TTBK2: variants seen among roughly 807,000 people sequenced by gnomAD.
The protein encoded by TTBK2 is tau tubulin kinase 2, also known as tau-tubulin kinase 2.
A neutral mutation model predicts 110.8 loss-of-function variants in TTBK2; 28 were observed. The ratio of observed to expected loss-of-function variants is 0.25; its 90% CI spans 0.19 to 0.35. The LOEUF is 0.35. Ranked by LOEUF, TTBK2 falls within the 10% of genes least tolerant of loss-of-function variation. The probability of loss-of-function intolerance (pLI) is 1.00; values close to 1 mark genes in which losing one functional copy is unlikely to be tolerated. For missense variants in TTBK2, 1,369 were observed against 1,500.3 expected, an observed-to-expected ratio of 0.91 and a Z score of 1.45; for synonymous variants, 532 against 527.3, an observed-to-expected ratio of 1.01 and a Z score of -0.12.
At chr15:42,850,897 A>C (rs1381992664) in intron 3 of TTBK2, among the ~76,000 whole-genome samples, 1 of 151,998 alleles carries the variant, frequency 6.6e-6, no homozygotes, top group African/African-American at 2.4e-5. Flanking sequence ...AGAAAAAAGA[A>C]GCAGTTTGCA....
chr15:42,776,899 T>A, intron 12 of TTBK2, 132 bp downstream of exon 12: 2 of 857,522 alleles, frequency 2.3e-6, no homozygotes, highest in Admixed American at 2.3e-5. Context: ...ATAGACTCAG[T>A]GTTACAAAAA....
intron 1 of TTBK2, among the ~76,000 whole-genome samples, chr15:42,886,171 C>T (rs1369602474): frequency 6.6e-6 from 1 of 152,108 alleles, no homozygotes; most frequent in African/African-American, 2.4e-5. Flanking sequence ...ACGGACTCAT[C>T]TGACCTCTCC....
At chr15:42,763,506 G>A (rs763369610) in intron 13 of TTBK2, among the ~76,000 whole-genome samples, 16 of 151,692 alleles carry the variant, frequency 1.1e-4, no homozygotes, top group African/African-American at 1.5e-4. Flanking sequence ...GAGCCACTGC[G>A]TCTGGCCCAA....
chr15:42,883,692 G>T (rs989861411), intron 1 of TTBK2, among the ~76,000 whole-genome samples: 1 of 151,660 alleles, frequency 6.6e-6, no homozygotes. Context: ...AAAAATAAAG[G>T]GACAAACATA....
intron 1 of TTBK2, among the ~76,000 whole-genome samples, chr15:42,918,602 A>G (rs1337859183): frequency 2.0e-5 from 3 of 152,204 alleles, no homozygotes; most frequent in African/African-American, 7.2e-5. Flanking sequence ...TGAAAAACCA[A>G]TAACTTATCA....
At position 42,902,221 on chromosome 15, in the gene TTBK2, A is replaced by G. The variant is rs576613790; in HGVS notation, c.-68+18217T>C. On this transcript the variant is annotated intron_variant, in intron 1 of 14. Coordinates refer to ENST00000267890, the MANE Select transcript of TTBK2 (RefSeq NM_173500.4). ...ACAGAGCGAGACTCCATCTCCAAAA[A>G]AAAAAAAAACCAACCACCGCCAGGC... Among the ~76,000 whole-genome samples the G allele has an allele frequency of 4.9e-3, 733 of 150,988 alleles. 9 individuals carry two copies. The highest frequency in any genetic ancestry group is 0.017 in the African/African-American group (709 of 41,078).
chr15:42,752,242 A>C lies in TTBK2; in HGVS notation c.3004T>G (p.Leu1002Val). The C allele has an allele frequency of 6.2e-7, 1 of 1,614,062 alleles. No individual in the cohort carries two copies. The highest frequency in any genetic ancestry group is 8.5e-7 in the Non-Finnish European group (1 of 1,180,000). Reference protein sequence around the residue: ...LGDLSSASDKLLEEKLATVPA... With the variant: ...LGDLSSASDKVLEEKLATVPA... ...ACAGTAGCTAGTTTCTCCTCTAGCA[A>C]TTTATCAGAGGCACTTGAGAGGTCG... The change falls in exon 14 of 15, where the codon TTG becomes GTG. Residue 1002 changes from leucine to valine, a missense_variant. Coordinates refer to ENST00000267890, the MANE Select transcript of TTBK2 (RefSeq NM_173500.4).
chr15:42,891,245 TAGCTCATTGCAGCCTCAA>T (rs1459649822), intron 1 of TTBK2, among the ~76,000 whole-genome samples: 9 of 147,306 alleles, frequency 6.1e-5, no homozygotes, highest in African/African-American at 2.3e-4. Context: ...GGTGCAAACA[TAGCTCATTGCAGCCTCAA>T]ACTCCTGGGC....
intron 4 of TTBK2, among the ~76,000 whole-genome samples, chr15:42,834,547 G>A (rs1016917698): frequency 6.6e-6 from 1 of 152,248 alleles, no homozygotes; most frequent in East Asian, 1.9e-4. Flanking sequence ...AAAGACTGCT[G>A]CAGCCTAGTC....
intron 10 of TTBK2, among the ~76,000 whole-genome samples, chr15:42,784,530 G>A (rs1890324506): frequency 1.3e-5 from 2 of 152,136 alleles, no homozygotes; most frequent in Admixed American, 1.3e-4. Context: ...TGCCTGCCTT[G>A]GCCTACCAAA....
chr15:42,867,457 C>T (rs1894420816), intron 3 of TTBK2, among the ~76,000 whole-genome samples: 3 of 151,878 alleles, frequency 2.0e-5, no homozygotes, highest in Admixed American at 6.6e-5. Context: ...AGACTGATAT[C>T]CAAATATTTG....
chr15:42,860,919 G>T (rs1022371905), intron 3 of TTBK2, among the ~76,000 whole-genome samples: 21 of 152,092 alleles, frequency 1.4e-4, no homozygotes, highest in Admixed American at 1.1e-3. Context: ...AAAGTGCTGG[G>T]ATTACAGGGA....
chr15:42,900,276 G>A (rs1004096746), intron 1 of TTBK2, among the ~76,000 whole-genome samples: 1 of 152,078 alleles, frequency 6.6e-6, no homozygotes, highest in Non-Finnish European at 1.5e-5. Flanking sequence ...ACAGGCATGA[G>A]CCACCGCACC....
chr15:42,815,949 TAA>T (rs375184494), intron 7 of TTBK2, among the ~76,000 whole-genome samples: 9 of 37,170 alleles, frequency 2.4e-4, no homozygotes, highest in East Asian at 1.7e-3. Context: ...TATATATATT[TAA>T]AAAAAAAATA....
In TTBK2 at chr15:42,829,842, G is replaced by A; in HGVS notation, c.432+96C>T. ...AAATATTACCTTGTATTTTACCACA[G>A]CAAATACACAAAGCTACATTTGTAA... On this transcript the variant is annotated intron_variant, in intron 5 of 14. Coordinates refer to ENST00000267890, the MANE Select transcript of TTBK2 (RefSeq NM_173500.4). 2.6e-6 allele frequency: 4 copies of A among 1,509,822 alleles called. No individual in the cohort carries two copies. The South Asian group carries it at 3.4e-5, about 13-fold the overall frequency. The allele number at this position is 1,509,822 out of a possible 1,614,324, so 93.5% of individuals were successfully genotyped here. A position where few individuals can be genotyped will look rare whatever the true frequency, so the allele number is the denominator to read the frequency against.
At chr15:42,755,505 A>G (rs2061933839) in intron 13 of TTBK2, among the ~76,000 whole-genome samples, 1 of 134,810 alleles carries the variant, frequency 7.4e-6, no homozygotes, top group Non-Finnish European at 1.5e-5. Context: ...CCAGCCCAGG[A>G]AAAAAAACAC....
At chr15:42,763,132 A>G (rs1259271828) in intron 13 of TTBK2, among the ~76,000 whole-genome samples, 21 of 99,064 alleles carry the variant, frequency 2.1e-4, no homozygotes, top group African/African-American at 1.2e-3. Flanking sequence ...ATATATATAC[A>G]TATATACATA....
At chr15:42,787,523 G>A (rs1286877500) in intron 10 of TTBK2, among the ~76,000 whole-genome samples, 1 of 152,186 alleles carries the variant, frequency 6.6e-6, no homozygotes, top group Non-Finnish European at 1.5e-5. Context: ...AATAGGAAAA[G>A]TATGACAAGA....
intron 3 of TTBK2, among the ~76,000 whole-genome samples, chr15:42,853,232 A>AAAAAT (rs562990008): frequency 1.3e-5 from 2 of 152,284 alleles, no homozygotes; most frequent in African/African-American, 4.8e-5. Flanking sequence ...CCTAAAAGGC[A>AAAAAT]AAAATAAAAT....
Sources: allele counts gnomAD v4.1 joint callset (sites outside exome capture counted in the v4.1 genomes callset), GRCh38; gene constraint gnomAD v4.1.1; transcripts MANE v1.5; gene names NCBI Gene and HGNC (gene_info 2026-07-23, HGNC 2026-07-21).